The following DAPK1 variants were observed in gnomAD, a reference collection of about 807,000 sequenced individuals.
The protein encoded by DAPK1 is death associated protein kinase 1.
In DAPK1, 56 loss-of-function variants were observed where a neutral mutation model predicts 144.9. The observed-to-expected ratio is 0.39, with a 90% CI of 0.31 to 0.48. DAPK1 has a LOEUF of 0.48. Ranked by LOEUF, DAPK1 falls within the 20% of genes least tolerant of loss-of-function variation. The pLI is 0.95. For missense variants in DAPK1, 1,454 were observed against 1,875.4 expected (o/e 0.78, Z 4.15); for synonymous variants, 690 against 749.0 (o/e 0.92, Z 1.29).
intron 15 of DAPK1, among the ~76,000 whole-genome samples, chr9:87,649,322 G>A (rs1830367884): frequency 2.0e-5 from 3 of 152,274 alleles, no homozygotes; most frequent in South Asian, 4.2e-4. Flanking sequence ...TGTATCTAGC[G>A]ATGTTGATCC....
At chr9:87,594,867 G>A (rs1249706383) in intron 2 of DAPK1, among the ~76,000 whole-genome samples, 1 of 152,136 alleles carries the variant, frequency 6.6e-6, no homozygotes, top group Non-Finnish European at 1.5e-5. Flanking sequence ...TGAGGAGGTG[G>A]GTGGCCTCCT....
At chr9:87,559,068 C>T (rs1339431651) in intron 2 of DAPK1, among the ~76,000 whole-genome samples, 1 of 152,152 alleles carries the variant, frequency 6.6e-6, no homozygotes, top group Non-Finnish European at 1.5e-5. Flanking sequence ...TCCTTCTCCC[C>T]AACAAAATGA....
intron 19 of DAPK1, among the ~76,000 whole-genome samples, chr9:87,671,080 G>A (rs779437066): frequency 6.6e-6 from 1 of 152,182 alleles, no homozygotes; most frequent in Non-Finnish European, 1.5e-5. Context: ...GATCGGTGGT[G>A]GGTGGAAGGT....
intron 2 of DAPK1, among the ~76,000 whole-genome samples, chr9:87,590,479 A>T (rs1587745778): frequency 6.6e-6 from 1 of 152,006 alleles, no homozygotes; most frequent in East Asian, 1.9e-4. Context: ...AGCCATTTTA[A>T]CCCTTTTCCG....
intron 3 of DAPK1, among the ~76,000 whole-genome samples, chr9:87,635,420 T>C (rs1306635067): frequency 6.6e-6 from 1 of 152,122 alleles, no homozygotes; most frequent in Admixed American, 6.5e-5. Context: ...CGGGAGGCCC[T>C]GAAGAGGGCC....
At chr9:87,693,002 A>T (rs1825127624) in intron 21 of DAPK1, among the ~76,000 whole-genome samples, 2 of 35,468 alleles carry the variant, frequency 5.6e-5, no homozygotes, top group East Asian at 1.1e-3. Flanking sequence ...CTGTTTTCAG[A>T]CTTCCCTTTG....
chr9:87,670,120 C>T (rs946925201), intron 19 of DAPK1, among the ~76,000 whole-genome samples: 2 of 152,068 alleles, frequency 1.3e-5, no homozygotes. Flanking sequence ...TGGACTGTGT[C>T]ATTATGCCAG....
intron 3 of DAPK1, among the ~76,000 whole-genome samples, chr9:87,619,319 G>A (rs1564026290): frequency 6.6e-6 from 1 of 152,204 alleles, no homozygotes; most frequent in African/African-American, 2.4e-5. Context: ...TCCTGAGGAT[G>A]TGCCAGTATT....
In DAPK1 at chr9:87,650,044, G is replaced by A; in HGVS notation, c.1552G>A (p.Ala518Thr). The A allele has an allele frequency of 6.2e-7, 1 of 1,614,142 alleles. No individual in the cohort carries two copies. The highest frequency in any genetic ancestry group is 8.5e-7 in the Non-Finnish European group (1 of 1,180,038). ...NREGETPLLT[A>T]SARGYHDIVE... ...AGAAGGAGAGACGCCCCTCCTGACA[G>A]CCTCTGCCAGGGGCTACCACGACAT... is the stretch of plus-strand genomic sequence containing the variant. The change falls in exon 16 of 26, where the codon GCC becomes ACC. Residue 518 changes from alanine (A) to threonine (T), a missense_variant. Physicochemically the swap from Ala to Thr is moderately conservative, Grantham distance 58. Transcript: ENST00000408954.
chr9:87,510,206 A>C (rs1824783848), intron 2 of DAPK1, among the ~76,000 whole-genome samples: 1 of 152,186 alleles, frequency 6.6e-6, no homozygotes, highest in African/African-American at 2.4e-5. Context: ...CGTATGGAGC[A>C]GACAGGGTAA....
chr9:87,664,897 C>G (rs1830996291), intron 18 of DAPK1, among the ~76,000 whole-genome samples: 1 of 152,232 alleles, frequency 6.6e-6, no homozygotes, highest in Non-Finnish European at 1.5e-5. Context: ...TCTCCCTCCA[C>G]ATCAGCCCCA....
intron 2 of DAPK1, among the ~76,000 whole-genome samples, chr9:87,542,721 G>A (rs1026464519): frequency 6.6e-5 from 10 of 152,190 alleles, no homozygotes; most frequent in African/African-American, 2.4e-4. Flanking sequence ...AAAGACAAAC[G>A]GCCAGTGAGA....
At chr9:87,563,309 G>A (rs1253205112) in intron 2 of DAPK1, among the ~76,000 whole-genome samples, 1 of 152,212 alleles carries the variant, frequency 6.6e-6, no homozygotes, top group Non-Finnish European at 1.5e-5. Flanking sequence ...AGGGCACAAA[G>A]ATGAATATGA....
At chr9:87,557,946 AAAC>A (rs1231944429) in intron 2 of DAPK1, among the ~76,000 whole-genome samples, 6 of 142,912 alleles carry the variant, frequency 4.2e-5, no homozygotes, top group Admixed American at 1.3e-4. Context: ...GTCTGAAGAC[AAAC>A]AAACAAAAAA....
At chr9:87,659,259 CCCAGTTATTA>C (rs1471452238) in intron 18 of DAPK1, among the ~76,000 whole-genome samples, 1 of 152,128 alleles carries the variant, frequency 6.6e-6, no homozygotes, top group Non-Finnish European at 1.5e-5. Context: ...TCTCTGCAGG[CCCAGTTATTA>C]CCAGTACTCC....
chr9:87,701,592 A>G (rs1351768331), intron 24 of DAPK1, among the ~76,000 whole-genome samples: 1 of 152,182 alleles, frequency 6.6e-6, no homozygotes, highest in Non-Finnish European at 1.5e-5. Flanking sequence ...AATTGGTAAG[A>G]AAAGGGCGAG....
Position 87,643,425 on chromosome 9 carries a change from T to C in DAPK1, c.968T>C (p.Leu323Pro). Residue 323 changes from leucine to proline, a missense_variant, in exon 11 of 26, where the codon CTG (leucine) becomes CCG (proline). Around this residue, in one of 2 missense-constraint regions of DAPK1, gnomAD observed 429 missense variants for 637.5 expected, o/e 0.67. Transcript: ENST00000408954. ...SLCQRLSRSF[L>P]SRSNMSVARS... ...TGCCAAAGATTATCCAGGTCATTCCTGTCCAGAAGTAACATGAGTGTTGCC... is the reference window on the plus strand; with the variant it reads ...TGCCAAAGATTATCCAGGTCATTCCCGTCCAGAAGTAACATGAGTGTTGCC... 1 of 1,609,732 alleles carries C rather than the reference T, an allele frequency of 6.2e-7. No homozygotes were observed. Among genetic ancestry groups the C allele is most frequent in the Non-Finnish European group, 8.5e-7 (1 of 1,178,508 alleles).
In DAPK1 at chr9:87,560,687, A is replaced by G. The variant is rs1353509286; in HGVS notation, c.63-44267A>G. Among the ~76,000 whole-genome samples, 3 of 115,692 alleles carry G rather than the reference A, an allele frequency of 2.6e-5. No individual in the cohort carries two copies. The East Asian group carries it at 7.2e-4, about 28-fold the overall frequency. 75.9% of individuals were successfully genotyped at this position (115,692 alleles called of 152,430 possible). ...ACGTACTTTTTTTTTTTTTTTTTTGAGACAGTCTTGCTCTGTCACCCAGGC... is the reference window on the plus strand; with the variant it reads ...ACGTACTTTTTTTTTTTTTTTTTTGGGACAGTCTTGCTCTGTCACCCAGGC... On this transcript the variant is annotated intron_variant, in intron 2 of 25. Transcript: ENST00000408954.
chr9:87,670,894 G>A (rs759031867), intron 19 of DAPK1, among the ~76,000 whole-genome samples: 2 of 152,184 alleles, frequency 1.3e-5, no homozygotes, highest in Non-Finnish European at 2.9e-5. Flanking sequence ...GAGGCGTCTC[G>A]TGGGCTGTGC....
Sources: gnomAD v4.1 joint callset for allele counts (sites outside exome capture counted in the v4.1 genomes callset) on GRCh38, gnomAD v4.1.1 for gene constraint, gnomAD v4.1.1 regional missense constraint, MANE v1.5 for transcripts, NCBI Gene and HGNC (gene_info 2026-07-23, HGNC 2026-07-21) for gene names.